Variants in ASTN2 observed in about 807,000 individuals in gnomAD.
The protein encoded by ASTN2 is astrotactin 2, also known as astrotactin-2.
In ASTN2, 54 loss-of-function variants were observed where a neutral mutation model predicts 139.8. The ratio of observed to expected loss-of-function variants is 0.39; its 90% CI spans 0.31 to 0.48. The LOEUF is 0.48. Among genes scored for constraint, ASTN2 ranks in the 20% least tolerant of loss-of-function variants. ASTN2 has a pLI of 0.95. For missense variants in ASTN2, 1,565 were observed against 1,725.1 expected (o/e 0.91, Z 1.64); for synonymous variants, 756 against 719.5 (o/e 1.05, Z -0.81).
chr9:117,137,284 T>C (rs770189225), intron 4 of ASTN2, among the ~76,000 whole-genome samples: 73 of 152,292 alleles, frequency 4.8e-4, no homozygotes, highest in Non-Finnish European at 5.9e-4. Flanking sequence ...CTCAATTCCA[T>C]GGCACTGGTT....
In ASTN2 at chr9:117,102,169, G is replaced by A. The variant is rs115726879; in HGVS notation, c.1169-6018C>T. Among the ~76,000 whole-genome samples the A allele has an allele frequency of 6.2e-3, 938 of 152,294 alleles. 9 individuals carry two copies. Among genetic ancestry groups the A allele is most frequent in the African/African-American group, 0.021 (885 of 41,564 alleles). On this transcript the variant is annotated intron_variant, in intron 4 of 22. Transcript: ENST00000313400. The stretch of plus-strand genomic sequence containing the variant: ...CACCTGATGAATGGATGAACAAAAT[G>A]TGGTATATAGACATAGAATATTATT...
intron 10 of ASTN2, among the ~76,000 whole-genome samples, chr9:116,943,640 T>A (rs999432597): frequency 5.9e-5 from 9 of 152,170 alleles, no homozygotes; most frequent in African/African-American, 2.2e-4. Flanking sequence ...ATCAAAATCA[T>A]CACGGCTTCC....
intron 2 of ASTN2, among the ~76,000 whole-genome samples, chr9:117,256,366 G>C (rs1833686946): frequency 6.6e-6 from 1 of 152,196 alleles, no homozygotes; most frequent in Admixed American, 6.5e-5. Flanking sequence ...GGTGGACAGA[G>C]AATAAAGGGA....
chr9:116,447,371 G>C (rs562053005), intron 20 of ASTN2, among the ~76,000 whole-genome samples: 241 of 152,296 alleles, frequency 1.6e-3, no homozygotes, highest in African/African-American at 5.2e-3. Flanking sequence ...ATGAGTATGT[G>C]ATTGTCTTCA....
At chr9:116,879,748 A>G (rs1833404658) in intron 10 of ASTN2, among the ~76,000 whole-genome samples, 1 of 152,206 alleles carries the variant, frequency 6.6e-6, no homozygotes, top group African/African-American at 2.4e-5. Flanking sequence ...AACGAAGATC[A>G]ATACACTTGC....
chr9:117,292,608 G>T (rs984244412), intron 1 of ASTN2, among the ~76,000 whole-genome samples: 4 of 152,124 alleles, frequency 2.6e-5, no homozygotes, highest in Admixed American at 1.3e-4. Flanking sequence ...TCTTAGTGGT[G>T]CTAGAGGCTT....
intron 19 of ASTN2, among the ~76,000 whole-genome samples, chr9:116,561,366 AAT>A (rs1387986415): frequency 6.6e-6 from 1 of 152,204 alleles, no homozygotes; most frequent in African/African-American, 2.4e-5. Context: ...ATTTAAATGA[AAT>A]TCAAGTAGAA....
chr9:116,577,880 T>C (rs1377541707), intron 19 of ASTN2, among the ~76,000 whole-genome samples: 1 of 152,070 alleles, frequency 6.6e-6, no homozygotes, highest in African/African-American at 2.4e-5. Context: ...GAAGGGCATT[T>C]CAGCAGAGGG....
chr9:117,212,363 G>C (rs1459974424), intron 3 of ASTN2, among the ~76,000 whole-genome samples: 1 of 63,448 alleles, frequency 1.6e-5, no homozygotes, highest in East Asian at 5.7e-4. Flanking sequence ...GATTTTGTAA[G>C]TAAGACCTTA....
chr9:116,498,935 G>A (rs1184389261), intron 19 of ASTN2, among the ~76,000 whole-genome samples: 1 of 152,158 alleles, frequency 6.6e-6, no homozygotes, highest in African/African-American at 2.4e-5. Flanking sequence ...TGGGGTATGA[G>A]GATGCTATGC....
At chr9:116,963,939 C>A (rs1056675202) in intron 10 of ASTN2, among the ~76,000 whole-genome samples, 1 of 152,102 alleles carries the variant, frequency 6.6e-6, no homozygotes, top group Non-Finnish European at 1.5e-5. Flanking sequence ...ATGGAATTCC[C>A]TCTCCATGTT....
intron 16 of ASTN2, among the ~76,000 whole-genome samples, chr9:116,687,735 G>A (rs1343207547): frequency 6.6e-6 from 1 of 152,008 alleles, no homozygotes; most frequent in Non-Finnish European, 1.5e-5. Flanking sequence ...GGGCCCTGGA[G>A]GGACCTGGGT....
At chr9:117,319,012 T>C (rs991743563) in intron 1 of ASTN2, among the ~76,000 whole-genome samples, 3 of 152,214 alleles carry the variant, frequency 2.0e-5, no homozygotes, top group Non-Finnish European at 2.9e-5. Flanking sequence ...CTTGGAAAAT[T>C]GCTTCTTCTG....
intron 1 of ASTN2, among the ~76,000 whole-genome samples, chr9:117,381,418 A>G (rs561968562): frequency 6.6e-6 from 1 of 152,224 alleles, no homozygotes; most frequent in East Asian, 1.9e-4. Flanking sequence ...GCCTGGTGGG[A>G]GGTCACAGAA....
intron 19 of ASTN2, among the ~76,000 whole-genome samples, chr9:116,515,534 G>C (rs898923102): frequency 2.6e-5 from 4 of 152,190 alleles, no homozygotes; most frequent in Non-Finnish European, 5.9e-5. Context: ...CCAATAGATG[G>C]TTGGAGGCAG....
intron 22 of ASTN2, among the ~76,000 whole-genome samples, chr9:116,439,378 T>TGTTCCAC (rs1847770152): frequency 6.9e-6 from 1 of 145,054 alleles, no homozygotes; most frequent in South Asian, 2.7e-4. Flanking sequence ...TTTTTTGTAT[T>TGTTCCAC]TTTAGTAGAG....
At chr9:116,962,051 A>C (rs1835888411) in intron 10 of ASTN2, among the ~76,000 whole-genome samples, 1 of 152,244 alleles carries the variant, frequency 6.6e-6, no homozygotes, top group Non-Finnish European at 1.5e-5. Flanking sequence ...CTAGGATTTG[A>C]GGCAGAGCAT....
At chr9:116,821,500 C>T (rs1420903991) in intron 11 of ASTN2, among the ~76,000 whole-genome samples, 1 of 152,172 alleles carries the variant, frequency 6.6e-6, no homozygotes, top group East Asian at 1.9e-4. Flanking sequence ...TGCATACTCA[C>T]ATCACCATGA....
At chr9:116,946,622 A>C (rs1275458834) in intron 10 of ASTN2, among the ~76,000 whole-genome samples, 1 of 152,142 alleles carries the variant, frequency 6.6e-6, no homozygotes, top group Non-Finnish European at 1.5e-5. Flanking sequence ...TCCAATGAGC[A>C]TGCTGGTGTG....
Sources: gnomAD v4.1 joint callset for allele counts (sites outside exome capture counted in the v4.1 genomes callset) on GRCh38, gnomAD v4.1.1 for gene constraint, MANE v1.5 for transcripts, NCBI Gene and HGNC (gene_info 2026-07-23, HGNC 2026-07-21) for gene names.